The following ORC3 variants were observed in gnomAD, a reference collection of about 807,000 sequenced individuals.
The protein encoded by ORC3 is homolog of latheo, Drosophila.
In ORC3, 78 loss-of-function variants were observed where a neutral mutation model predicts 100.7. The ratio of observed to expected loss-of-function variants is 0.77; its 90% CI spans 0.65 to 0.94. The LOEUF (loss-of-function observed/expected upper bound fraction) is 0.94, where lower values mean the gene tolerates loss of function less well. Among genes scored for constraint, ORC3 ranks in the 40% least tolerant of loss-of-function variants. The pLI, the probability that ORC3 is intolerant of heterozygous loss-of-function variation, is 0.00. For missense variants in ORC3, 789 were observed against 823.9 expected (o/e 0.96, Z 0.52); for synonymous variants, 295 against 289.3 (o/e 1.02, Z -0.20).
chr6:87,635,024 T>C, intron 12 of ORC3, 63 bp downstream of exon 12: 1 of 889,242 alleles, frequency 1.1e-6, no homozygotes, highest in Non-Finnish European at 1.9e-6. Context: ...CTTGCTTTGG[T>C]TTTTGTAGCA....
chr6:87,667,186 A>G lies in ORC3; in HGVS notation c.*63A>G. 1 of 929,082 alleles carries G rather than the reference A, an allele frequency of 1.1e-6. No individual in the cohort carries two copies. Among genetic ancestry groups the G allele is most frequent in the South Asian group, 1.5e-5 (1 of 66,996 alleles). The allele number at this position is 929,082 out of a possible 1,614,324, so 57.6% of individuals were successfully genotyped here. A position where few individuals can be genotyped will look rare whatever the true frequency, so the allele number is the denominator to read the frequency against. Reference sequence around the variant, plus strand: ...TTAAGAGAAAAAGGTGACCAGTCATATTTACATATATTAGAGGAGCCTGTT... The same window carrying G: ...TTAAGAGAAAAAGGTGACCAGTCATGTTTACATATATTAGAGGAGCCTGTT... On this transcript the variant is annotated 3_prime_UTR_variant, in exon 20 of 20. Transcript: ENST00000392844.
chr6:87,601,640 C>G, intron 2 of ORC3, 144 bp from the exon 3 acceptor site: 1 of 588,442 alleles, frequency 1.7e-6, no homozygotes, highest in East Asian at 2.9e-5. Flanking sequence ...CCACTGCACT[C>G]CAGCCTGGGT....
chr6:87,667,927 CA>C (rs60673088), downstream of ORC3, among the ~76,000 whole-genome samples: 15 of 148,028 alleles, frequency 1.0e-4, no homozygotes, highest in African/African-American at 2.0e-4. Context: ...GACTCCGTGT[CA>C]AAAAAAAAAG....
At chr6:87,665,628 G>T in intron 18 of ORC3, 126 bp from the exon 19 acceptor site, 14 of 572,672 alleles carry the variant, frequency 2.4e-5, no homozygotes, top group Non-Finnish European at 3.5e-5. Flanking sequence ...GTGTAGTTTT[G>T]ACAATCTTAA....
At chr6:87,677,670 G>A in the ORC3 span, 2 of 932,560 alleles carry the variant, frequency 2.1e-6, no homozygotes, top group Non-Finnish European at 3.1e-6. Context: ...TGAGCTATAA[G>A]AAGGTTAATT....
chr6:87,635,064 A>G (rs977508318), intron 12 of ORC3, 103 bp downstream of exon 12: 9 of 764,530 alleles, frequency 1.2e-5, no homozygotes, highest in African/African-American at 5.1e-5. Flanking sequence ...AATGAAGCCA[A>G]TCCTTACAAT....
At chr6:87,616,246 A>T in intron 8 of ORC3, 68 bp from the exon 9 acceptor site, 1 of 609,122 alleles carries the variant, frequency 1.6e-6, no homozygotes, top group Non-Finnish European at 3.0e-6. Context: ...CTCATTATTA[A>T]TACTTAGTAT....
chr6:87,618,050 C>T (rs1779282397), intron 9 of ORC3, among the ~76,000 whole-genome samples: 1 of 152,190 alleles, frequency 6.6e-6, no homozygotes, highest in Non-Finnish European at 1.5e-5. Flanking sequence ...TTCATTTACT[C>T]ATAAATACTT....
chr6:87,650,061 C>CTTTTT (rs565491984), intron 13 of ORC3, among the ~76,000 whole-genome samples: 1 of 122,664 alleles, frequency 8.2e-6, no homozygotes, highest in Non-Finnish European at 1.7e-5. Flanking sequence ...TTTACACTCT[C>CTTTTT]TTTTTTTTTT....
intron 2 of ORC3, 120 bp from the exon 3 acceptor site, chr6:87,601,664 T>G: frequency 1.7e-6 from 1 of 604,634 alleles, no homozygotes; most frequent in Non-Finnish European, 3.0e-6. Flanking sequence ...AGAGTGAGAC[T>G]CCATATCAAA....
chr6:87,635,657 C>T (rs1379507868), intron 12 of ORC3, among the ~76,000 whole-genome samples: 4 of 151,960 alleles, frequency 2.6e-5, no homozygotes, highest in East Asian at 2.0e-4. Context: ...ATTAGCCCGG[C>T]GTGGTGGCAC....
chr6:87,666,042 G>A (rs1344279865), intron 19 of ORC3, among the ~76,000 whole-genome samples: 1 of 152,008 alleles, frequency 6.6e-6, no homozygotes, highest in African/African-American at 2.4e-5. Context: ...AAAACTTTTG[G>A]TATCAAATTT....
At chr6:87,609,357 A>G in intron 7 of ORC3, 128 bp downstream of exon 7, 1 of 632,914 alleles carries the variant, frequency 1.6e-6, no homozygotes, top group Non-Finnish European at 2.5e-6. Context: ...AATTCTTTAT[A>G]ATTGAATATT....
downstream of ORC3, among the ~76,000 whole-genome samples, chr6:87,672,123 A>T (rs1770846751): frequency 6.6e-6 from 1 of 152,158 alleles, no homozygotes; most frequent in Non-Finnish European, 1.5e-5. Flanking sequence ...GAAAAATCTG[A>T]AATAAGGACT....
chr6:87,626,226 G>C (rs1256183240), intron 11 of ORC3, among the ~76,000 whole-genome samples: 1 of 152,316 alleles, frequency 6.6e-6, no homozygotes, highest in East Asian at 1.9e-4. Context: ...TGTGAAGAAA[G>C]TCATTGGTAG....
intron 2 of ORC3, among the ~76,000 whole-genome samples, chr6:87,597,119 A>G (rs1365353172): frequency 1.3e-5 from 2 of 152,176 alleles, no homozygotes; most frequent in East Asian, 1.9e-4. Context: ...TGAAATATAT[A>G]CCTGTATATA....
intron 3 of ORC3, among the ~76,000 whole-genome samples, chr6:87,602,748 A>T (rs1778003029): frequency 1.3e-5 from 2 of 151,666 alleles, no homozygotes; most frequent in African/African-American, 4.9e-5. Flanking sequence ...ACCCTTTTCA[A>T]GGCAAATGCA....
intron 8 of ORC3, 49 bp from the exon 9 acceptor site, chr6:87,616,265 A>C: frequency 1.4e-6 from 1 of 694,354 alleles, no homozygotes; most frequent in South Asian, 1.7e-5. Context: ...ATTTATGAAG[A>C]GTGAAGACTA....
chr6:87,626,837 A>T lies in ORC3; in HGVS notation c.1185+4824A>T, dbSNP rs186584175. On this transcript the variant is annotated intron_variant, in intron 11 of 19. Transcript: ENST00000392844. ...ATAATTCCTAGTATGATTTTTTCAT[A>T]AGGTTAGTGATAATCAAAGTTTGTT... Among the ~76,000 whole-genome samples the T allele has an allele frequency of 7.2e-5, 11 of 152,104 alleles. No homozygotes were observed. In the East Asian group the frequency reaches 2.1e-3, roughly 29 times the overall value.
Sources: allele counts gnomAD v4.1 joint callset (sites outside exome capture counted in the v4.1 genomes callset), GRCh38; gene constraint gnomAD v4.1.1; transcripts MANE v1.5; gene names NCBI Gene and HGNC (gene_info 2026-07-23, HGNC 2026-07-21).